The following SRGAP2B variants were observed in gnomAD, a reference collection of about 807,000 sequenced individuals.
The protein encoded by SRGAP2B is SLIT-ROBO Rho GTPase-activating protein 2B.
Under a neutral mutation model 22.2 loss-of-function variants are expected in SRGAP2B, and 9 were observed. That is an observed-to-expected ratio of 0.41 (90% CI 0.24 to 0.71). The LOEUF (loss-of-function observed/expected upper bound fraction) is 0.71, where lower values mean the gene tolerates loss of function less well. Among genes scored for constraint, SRGAP2B ranks in the 30% least tolerant of loss-of-function variants. The pLI is 0.35. For synonymous variants in SRGAP2B, 36 were observed against 87.4 expected, an observed-to-expected ratio of 0.41 and a Z score of 3.28; for missense variants, 114 against 235.8, an observed-to-expected ratio of 0.48 and a Z score of 3.38.
At chr1:144,973,951 A>G (rs1264571997) in intron 3 of SRGAP2B, among the ~76,000 whole-genome samples, 1 of 149,282 alleles carries the variant, frequency 6.7e-6, no homozygotes, top group Non-Finnish European at 1.5e-5. Flanking sequence ...AAGCTGGTGA[A>G]TTATTTGACC....
intron 3 of SRGAP2B, among the ~76,000 whole-genome samples, chr1:144,975,230 T>G (rs1331389050): frequency 6.8e-6 from 1 of 148,104 alleles, no homozygotes; most frequent in African/African-American, 2.6e-5. Context: ...AAACATTAAA[T>G]ACAAACAAAT....
chr1:145,021,732 T>G (rs1328327139), intron 2 of SRGAP2B, among the ~76,000 whole-genome samples: 1 of 148,750 alleles, frequency 6.7e-6, no homozygotes, highest in Non-Finnish European at 1.5e-5. Context: ...GAGAATCTCT[T>G]GAACCCAGGA....
intron 3 of SRGAP2B, among the ~76,000 whole-genome samples, chr1:144,965,921 G>A (rs764338822): frequency 4.7e-5 from 7 of 149,602 alleles, no homozygotes; most frequent in South Asian, 2.1e-4. Context: ...GAAATGAAGC[G>A]AGAAGGGAAG....
chr1:144,931,471 A>G (rs1472325392), intron 4 of SRGAP2B, among the ~76,000 whole-genome samples: 3 of 150,752 alleles, frequency 2.0e-5, no homozygotes, highest in African/African-American at 5.0e-5. Flanking sequence ...AGACATATAC[A>G]AAAGAATATT....
chr1:144,954,997 G>A (rs1475857662), intron 4 of SRGAP2B, among the ~76,000 whole-genome samples: 11 of 150,592 alleles, frequency 7.3e-5, no homozygotes, highest in Non-Finnish European at 1.0e-4. Context: ...AAGCTCAACA[G>A]CTTCAAAAAT....
intron 4 of SRGAP2B, among the ~76,000 whole-genome samples, chr1:144,922,896 A>C (rs1664357213): frequency 6.6e-6 from 1 of 151,126 alleles, no homozygotes; most frequent in Admixed American, 6.6e-5. Flanking sequence ...GAGCAGTAAC[A>C]CTTGATAACC....
At chr1:144,932,210 G>A (rs1311745306) in intron 4 of SRGAP2B, among the ~76,000 whole-genome samples, 9 of 148,534 alleles carry the variant, frequency 6.1e-5, no homozygotes, top group African/African-American at 2.0e-4. Context: ...CCCCATGATC[G>A]TCCCCACCCC....
chr1:144,987,640 G>A (rs587734927), intron 3 of SRGAP2B, among the ~76,000 whole-genome samples: 541 of 149,290 alleles, frequency 3.6e-3, no homozygotes, highest in African/African-American at 0.013. Context: ...TACCAAATCA[G>A]ACATGCCTAA....
chr1:145,088,895 T>A, intron 2 of SRGAP2B, among the ~76,000 whole-genome samples: 1 of 133,760 alleles, frequency 7.5e-6, no homozygotes, highest in Non-Finnish European at 1.6e-5. Flanking sequence ...TTCAACCAAA[T>A]GGGAATGGAA....
chr1:144,944,708 TTTA>T (rs1259724014), intron 4 of SRGAP2B, among the ~76,000 whole-genome samples: 67 of 146,348 alleles, frequency 4.6e-4, no homozygotes, highest in African/African-American at 1.6e-3. Flanking sequence ...TATTTATTTA[TTTA>T]TTTATTTATT....
intron 5 of SRGAP2B, among the ~76,000 whole-genome samples, chr1:144,909,625 C>G (rs1447421197): frequency 1.3e-5 from 2 of 150,158 alleles, no homozygotes; most frequent in African/African-American, 5.0e-5. Flanking sequence ...AGTGAGGCCC[C>G]AAGATCCCCT....
Position 144,925,887 on chromosome 1 carries a change from T to C in SRGAP2B, c.424-11133A>G, listed in dbSNP as rs1349925541. Reference sequence around the variant, plus strand: ...TGCTTTAAATCTTTCTTTATCCTTATATTTAAAGTGTATCTGTTCTCTTAC... The same window carrying C: ...TGCTTTAAATCTTTCTTTATCCTTACATTTAAAGTGTATCTGTTCTCTTAC... On this transcript the variant is annotated intron_variant, in intron 4 of 9. Coordinates refer to ENST00000612199, the Ensembl canonical transcript of SRGAP2B. Among the ~76,000 whole-genome samples, 4 of 117,206 alleles carry C rather than the reference T, an allele frequency of 3.4e-5. No individual in the cohort carries two copies. The East Asian group carries it at 9.9e-4, about 29-fold the overall frequency. The allele number at this position is 117,206 out of a possible 152,430, so 76.9% of individuals were successfully genotyped here.
intron 2 of SRGAP2B, among the ~76,000 whole-genome samples, chr1:144,999,670 G>GA (rs1354245394): frequency 6.7e-6 from 1 of 149,208 alleles, no homozygotes; most frequent in Non-Finnish European, 1.5e-5. Flanking sequence ...ACAGGGCTAA[G>GA]AAAAATCCAA....
chr1:145,013,828 A>G (rs1224318039), intron 2 of SRGAP2B, among the ~76,000 whole-genome samples: 2 of 150,894 alleles, frequency 1.3e-5, no homozygotes, highest in Non-Finnish European at 2.9e-5. Context: ...AGCCTCAGAT[A>G]TATCAAGTGA....
intron 3 of SRGAP2B, among the ~76,000 whole-genome samples, chr1:144,956,293 A>T (rs1314015299): frequency 7.4e-6 from 1 of 134,522 alleles, no homozygotes; most frequent in African/African-American, 2.9e-5. Context: ...TCCACAGAAC[A>T]CATCTAAGGA....
At chr1:145,073,081 A>T (rs1460201052) in intron 2 of SRGAP2B, among the ~76,000 whole-genome samples, 2 of 150,150 alleles carry the variant, frequency 1.3e-5, no homozygotes, top group Non-Finnish European at 3.0e-5. Context: ...CTCTTTCCCT[A>T]CAGGGCACAG....
intron 4 of SRGAP2B, among the ~76,000 whole-genome samples, chr1:144,943,488 T>C (rs1347721591): frequency 6.6e-6 from 1 of 151,206 alleles, no homozygotes; most frequent in African/African-American, 2.5e-5. Flanking sequence ...ACATCTACTA[T>C]AAAATTTAAA....
At chr1:145,084,077 T>C (rs1382248985) in intron 2 of SRGAP2B, among the ~76,000 whole-genome samples, 1 of 140,630 alleles carries the variant, frequency 7.1e-6, no homozygotes, top group Non-Finnish European at 1.5e-5. Flanking sequence ...TTTTCTTTTT[T>C]TTTTTTTTTT....
At chr1:144,972,723 A>G (rs1668615482) in intron 3 of SRGAP2B, among the ~76,000 whole-genome samples, 1 of 149,478 alleles carries the variant, frequency 6.7e-6, no homozygotes, top group African/African-American at 2.5e-5. Context: ...GTGGGATTCA[A>G]CCCATTAGTG....
Sources: allele counts gnomAD v4.1 joint callset (sites outside exome capture counted in the v4.1 genomes callset), GRCh38; gene constraint gnomAD v4.1.1; transcripts MANE v1.5; gene names NCBI Gene and HGNC (gene_info 2026-07-23, HGNC 2026-07-21).